The following IDH3A variants were observed in gnomAD, a reference collection of about 807,000 sequenced individuals.
The protein encoded by IDH3A is isocitrate dehydrogenase [NAD] subunit alpha, mitochondrial.
In IDH3A, 23 loss-of-function variants were observed where a neutral mutation model predicts 43.3. That is an observed-to-expected ratio of 0.53 (90% CI 0.38 to 0.75). The LOEUF (loss-of-function observed/expected upper bound fraction) is 0.75, where lower values mean the gene tolerates loss of function less well. IDH3A is among the 30% of genes least tolerant of loss of function. The pLI is 0.00. For missense variants in IDH3A, 329 were observed against 474.4 expected (o/e 0.69, Z 2.85); for synonymous variants, 154 against 163.5 (o/e 0.94, Z 0.44).
At chr15:78,166,555 T>C (rs1054875444) in intron 10 of IDH3A, 6 of 445,924 alleles carry the variant, frequency 1.3e-5, no homozygotes, top group Middle Eastern at 6.4e-4. Flanking sequence ...CAGTGTACAG[T>C]GGAAAGGTCA....
chr15:78,165,599 T>C (rs2141302063), intron 9 of IDH3A, among the ~76,000 whole-genome samples: 1 of 152,284 alleles, frequency 6.6e-6, no homozygotes, highest in South Asian at 2.1e-4. Context: ...TTAAAATATT[T>C]TACCAAAAAT....
Position 78,152,350 on chromosome 15 carries a change from G to A in IDH3A, c.28-2863G>A, listed in dbSNP as rs370829968. Among the ~76,000 whole-genome samples, 22 of 124,066 alleles carry A rather than the reference G, an allele frequency of 1.8e-4. No individual in the cohort carries two copies. In the South Asian group the frequency reaches 3.0e-3, roughly 17 times the overall value. 81.4% of individuals were successfully genotyped at this position (124,066 alleles called of 152,430 possible). On this transcript the variant is annotated intron_variant, in intron 1 of 10. Coordinates refer to ENST00000299518, the MANE Select transcript of IDH3A (RefSeq NM_005530.3). ...TGGGATTACAAGCGTGAGGCACTGC[G>A]CCCGGCCTTTTTTTTTTTTTTTTTT...
Position 78,170,188 on chromosome 15 carries a change from T to G in IDH3A, c.*1183T>G, listed in dbSNP as rs1567075293. The G allele has an allele frequency of 6.6e-6, 1 of 152,048 alleles. No individual in the cohort carries two copies. The highest frequency in any genetic ancestry group is 1.5e-5 in the Non-Finnish European group (1 of 68,020). 9.4% of individuals were successfully genotyped at this position (152,048 alleles called of 1,614,324 possible). Reference sequence around the variant, plus strand: ...AGGCATCTCCTTTCCCTTCCTGTCTTCCTCTCCCTTCTCCTCTGCTGCAGC... The same window carrying G: ...AGGCATCTCCTTTCCCTTCCTGTCTGCCTCTCCCTTCTCCTCTGCTGCAGC... On this transcript the variant is annotated 3_prime_UTR_variant, in exon 11 of 11. Coordinates refer to ENST00000299518, the MANE Select transcript of IDH3A (RefSeq NM_005530.3).
chr15:78,166,911 C>T (rs1028885842), intron 10 of IDH3A, among the ~76,000 whole-genome samples: 23 of 152,194 alleles, frequency 1.5e-4, no homozygotes, highest in African/African-American at 5.5e-4. Flanking sequence ...GGATTACAGG[C>T]ATGAGCCACC....
rs778150048 is a variant in IDH3A at position 78,171,408 on chromosome 15, C to A, written c.*2403C>A. Reference sequence around the variant, plus strand: ...TCAGGAAGAGGCTCGGAACGCCTGCCCTCTATTCTATAGAAACTGCAGGCA... The same window carrying A: ...TCAGGAAGAGGCTCGGAACGCCTGCACTCTATTCTATAGAAACTGCAGGCA... On this transcript the variant is annotated 3_prime_UTR_variant, in exon 11 of 11. Transcript: ENST00000299518. The A allele has an allele frequency of 1.5e-5, 24 of 1,571,460 alleles. No homozygotes were observed. Among genetic ancestry groups the A allele is most frequent in the Non-Finnish European group, 1.9e-5 (22 of 1,142,332 alleles).
At chr15:78,160,263 G>C in intron 4 of IDH3A, 57 bp downstream of exon 4, 1 of 1,043,498 alleles carries the variant, frequency 9.6e-7, no homozygotes, top group Non-Finnish European at 1.5e-6. Flanking sequence ...GGGTTACTTA[G>C]TTTTGAAAAT....
intron 9 of IDH3A, 128 bp from the exon 10 acceptor site, chr15:78,166,022 T>C (rs886220012): frequency 2.4e-6 from 2 of 846,294 alleles, no homozygotes; most frequent in Non-Finnish European, 3.8e-6. Flanking sequence ...ATCAGATGAA[T>C]TGCACGCAGT....
In IDH3A at chr15:78,169,354, G is replaced by T. The variant is rs1404727039; in HGVS notation, c.*349G>T. ...ATAACAGGATACAGAATTAACAAGA[G>T]AAAATGTCTAACTTTTTAAGAAAAA... On this transcript the variant is annotated 3_prime_UTR_variant, in exon 11 of 11. Transcript: ENST00000299518. 6.0e-6 allele frequency: 1 copy of T among 165,934 alleles called. No homozygotes were observed. Among genetic ancestry groups the T allele is most frequent in the Non-Finnish European group, 1.3e-5 (1 of 77,500 alleles). The allele number at this position is 165,934 out of a possible 1,614,324, so 10.3% of individuals were successfully genotyped here.
chr15:78,149,370 T>C lies in IDH3A; in HGVS notation c.-34T>C. ...GGGGTGGGCGCTTGCGCACTGCCGCTGCGGCTGTTGCTGCGGAGCCAGGAG... is the reference window on the plus strand; with the variant it reads ...GGGGTGGGCGCTTGCGCACTGCCGCCGCGGCTGTTGCTGCGGAGCCAGGAG... On this transcript the variant is annotated 5_prime_UTR_variant, in exon 1 of 11. Coordinates refer to ENST00000299518, the MANE Select transcript of IDH3A (RefSeq NM_005530.3). 1 of 1,525,224 alleles carries C rather than the reference T, an allele frequency of 6.6e-7. No individual in the cohort carries two copies. Among genetic ancestry groups the C allele is most frequent in the Middle Eastern group, 2.2e-4 (1 of 4,598 alleles). The allele number at this position is 1,525,224 out of a possible 1,614,324, so 94.5% of individuals were successfully genotyped here. A position where few individuals can be genotyped will look rare whatever the true frequency, so the allele number is the denominator to read the frequency against.
At chr15:78,166,088 C>T in intron 9 of IDH3A, 62 bp from the exon 10 acceptor site, 1 of 1,508,062 alleles carries the variant, frequency 6.6e-7, no homozygotes, top group Non-Finnish European at 9.2e-7. Context: ...CTCCAGCTTC[C>T]CCAGAAGAGG....
rs535019290 is a variant in IDH3A at position 78,156,546 on chromosome 15, A to C, written c.91-1002A>C. ...TAAAAATGTTTCTTCAGTTGTACAG[A>C]AACTAATCAGAAATAATTAGTCCAC... On this transcript the variant is annotated intron_variant, in intron 2 of 10. Coordinates refer to ENST00000299518, the MANE Select transcript of IDH3A (RefSeq NM_005530.3). Among the ~76,000 whole-genome samples, 7 of 152,344 alleles carry C rather than the reference A, an allele frequency of 4.6e-5. No individual in the cohort carries two copies. In the South Asian group the frequency reaches 1.2e-3, roughly 27 times the overall value.
rs2141948059 is a variant in IDH3A, at chr15:78,160,132, A to C, written c.215A>C (p.Gln72Pro). Residue 72 changes from glutamine to proline, a missense_variant, in exon 4 of 11, where the codon CAA becomes CCA. Gln to Pro is a moderately conservative substitution (Grantham distance 76, BLOSUM62 -1). Transcript: ENST00000299518. ...GAGGAGCGGAACGTCACTGCCATTC[A>C]AGGACCTGGAGGAAAGTGGATGATC... ...QWEERNVTAI[Q>P]GPGGKWMIPS... is the part of the protein sequence containing the mutation. 2 of 1,613,738 alleles carry C rather than the reference A, an allele frequency of 1.2e-6. No homozygotes were observed. Among genetic ancestry groups the C allele is most frequent in the Non-Finnish European group, 1.7e-6 (2 of 1,179,604 alleles).
chr15:78,162,540 CCT>C (rs1210073381), intron 6 of IDH3A, among the ~76,000 whole-genome samples, 173 bp downstream of exon 6: 28 of 144,110 alleles, frequency 1.9e-4, no homozygotes, highest in Middle Eastern at 7.9e-3. Context: ...CCTCTTTTCT[CCT>C]CTGTTTTTTT....
Position 78,163,272 on chromosome 15 carries a change from T to G in IDH3A, c.612-235T>G, listed in dbSNP as rs528836011. 1.1e-4 allele frequency among the ~76,000 whole-genome samples: 16 copies of G among 152,310 alleles called. No individual in the cohort carries two copies. The South Asian group carries it at 3.3e-3, about 32-fold the overall frequency. On this transcript the variant is annotated intron_variant, in intron 6 of 10. Coordinates refer to ENST00000299518, the MANE Select transcript of IDH3A (RefSeq NM_005530.3). ...TAGATAACACTATAAAAATATAGTCTTCTCTGTTATGATCAAACTATTTTA... is the reference window on the plus strand; with the variant it reads ...TAGATAACACTATAAAAATATAGTCGTCTCTGTTATGATCAAACTATTTTA...
At chr15:78,151,872 C>T (rs1184407944) in intron 1 of IDH3A, among the ~76,000 whole-genome samples, 1 of 151,962 alleles carries the variant, frequency 6.6e-6, no homozygotes, top group Non-Finnish European at 1.5e-5. Context: ...GAAGCTGGGA[C>T]TACTGGTGTG....
intron 10 of IDH3A, chr15:78,168,298 G>A (rs1246250071): frequency 1.3e-5 from 2 of 151,032 alleles, no homozygotes; most frequent in Non-Finnish European, 2.9e-5. Context: ...TATTTCTTTC[G>A]TATTTGTGTC....
chr15:78,160,517 A>G (rs2074671191), intron 4 of IDH3A, among the ~76,000 whole-genome samples: 1 of 152,068 alleles, frequency 6.6e-6, no homozygotes, highest in Non-Finnish European at 1.5e-5. Flanking sequence ...TTTGTGACAG[A>G]GTCTCGCTCT....
At chr15:78,155,349 A>G in intron 2 of IDH3A, 74 bp downstream of exon 2, 1 of 985,884 alleles carries the variant, frequency 1.0e-6, no homozygotes, top group Non-Finnish European at 1.6e-6. Flanking sequence ...TATTTATTAT[A>G]TAGCATTTTA....
Position 78,166,568 on chromosome 15 carries a change from G to A in IDH3A, c.1017+266G>A, listed in dbSNP as rs77272234. 4.3e-3 allele frequency: 1,698 copies of A among 397,646 alleles called. 9 individuals carry two copies. Among genetic ancestry groups the A allele is most frequent in the Non-Finnish European group, 5.6e-3 (1,193 of 212,802 alleles). The allele number at this position is 397,646 out of a possible 1,614,324, so 24.6% of individuals were successfully genotyped here. On this transcript the variant is annotated intron_variant, in intron 10 of 10. Transcript: ENST00000299518. ...ATCAGTGTACAGTGGAAAGGTCAGT[G>A]GTTTGGGAGGCAGCATCAGGTGCAC...
Sources: gnomAD v4.1 joint callset for allele counts (sites outside exome capture counted in the v4.1 genomes callset) on GRCh38, gnomAD v4.1.1 for gene constraint, MANE v1.5 for transcripts, NCBI Gene and HGNC (gene_info 2026-07-23, HGNC 2026-07-21) for gene names.